RFX3: variants seen among roughly 807,000 people sequenced by gnomAD.
RFX3 encodes transcription factor RFX3.
A neutral mutation model predicts 98.6 loss-of-function variants in RFX3; 14 were observed. That is an observed-to-expected ratio of 0.14 (90% CI 0.09 to 0.22). The LOEUF (loss-of-function observed/expected upper bound fraction) is 0.22, where lower values mean the gene tolerates loss of function less well. Among genes scored for constraint, RFX3 ranks in the 10% least tolerant of loss-of-function variants. The probability of loss-of-function intolerance (pLI) is 1.00; values close to 1 mark genes in which losing one functional copy is unlikely to be tolerated. For missense variants in RFX3, 639 were observed against 926.9 expected, an observed-to-expected ratio of 0.69 and a Z score of 4.03; for synonymous variants, 383 against 328.4, an observed-to-expected ratio of 1.17 and a Z score of -1.80.
rs9408245 is a variant in RFX3 at position 3,406,499 on chromosome 9, T to G, written c.-8-10903A>C. Among the ~76,000 whole-genome samples the G allele has an allele frequency of 3.9e-4, 60 of 152,112 alleles. 1 individual carries two copies. Among genetic ancestry groups the G allele is most frequent in the African/African-American group, 1.1e-3 (46 of 41,520 alleles). ...TACACAGCAATTATCACATCTATAG[T>G]GTAACTGTCTCTCCAACAAGACTAT... On this transcript the variant is annotated intron_variant, in intron 1 of 16. Transcript: ENST00000617270.
At chr9:3,298,538 G>C (rs1429315684) in intron 5 of RFX3, among the ~76,000 whole-genome samples, 1 of 151,702 alleles carries the variant, frequency 6.6e-6, no homozygotes, top group African/African-American at 2.4e-5. Flanking sequence ...TAGGCACTAG[G>C]GATGCACTGG....
chr9:3,377,312 G>A (rs1327055948), intron 2 of RFX3, among the ~76,000 whole-genome samples: 1 of 152,114 alleles, frequency 6.6e-6, no homozygotes, highest in Non-Finnish European at 1.5e-5. Context: ...GATGAAGCTG[G>A]AAACCATCAT....
At chr9:3,400,375 A>T (rs952531109) in intron 1 of RFX3, 3 of 185,772 alleles carry the variant, frequency 1.6e-5, no homozygotes, top group Non-Finnish European at 3.0e-5. Context: ...ACTTTCCATC[A>T]AGCCTCCAGC....
intron 1 of RFX3, among the ~76,000 whole-genome samples, chr9:3,439,953 G>A (rs1053787630): frequency 6.6e-6 from 1 of 151,932 alleles, no homozygotes; most frequent in Non-Finnish European, 1.5e-5. Context: ...GTTTGTTTAG[G>A]GTTTCGGACC....
At chr9:3,424,448 G>A (rs1007393820) in intron 1 of RFX3, among the ~76,000 whole-genome samples, 2 of 124,430 alleles carry the variant, frequency 1.6e-5, no homozygotes, top group Non-Finnish European at 3.2e-5. Context: ...TGCAAGCTCC[G>A]CCTCCCGGGT....
intron 2 of RFX3, among the ~76,000 whole-genome samples, chr9:3,353,129 T>G (rs893409797): frequency 7.1e-6 from 1 of 141,678 alleles, no homozygotes; most frequent in Non-Finnish European, 1.5e-5. Flanking sequence ...TTCTCACTCA[T>G]AGGTGGGAAT....
chr9:3,470,115 G>A (rs1224719432), intron 1 of RFX3, among the ~76,000 whole-genome samples: 2 of 152,096 alleles, frequency 1.3e-5, no homozygotes, highest in African/African-American at 4.8e-5. Flanking sequence ...AGCCAGTCAG[G>A]TTTAAGTATA....
intron 1 of RFX3, among the ~76,000 whole-genome samples, chr9:3,407,085 G>A (rs957113211): frequency 6.6e-6 from 1 of 152,264 alleles, no homozygotes; most frequent in Middle Eastern, 3.4e-3. Flanking sequence ...TTATGAGACA[G>A]AAGCACTCAG....
intron 1 of RFX3, among the ~76,000 whole-genome samples, chr9:3,503,713 C>T (rs549681561): frequency 1.4e-3 from 219 of 152,078 alleles, no homozygotes; most frequent in African/African-American, 5.2e-3. Context: ...TTTACATGTA[C>T]AAAGTTTTAC....
At chr9:3,476,854 C>G (rs998449026) in intron 1 of RFX3, among the ~76,000 whole-genome samples, 6 of 152,048 alleles carry the variant, frequency 3.9e-5, no homozygotes, top group East Asian at 1.9e-4. Flanking sequence ...AAAGCTTGGG[C>G]TTTAGTGTTA....
chr9:3,302,396 A>G (rs996788548), intron 4 of RFX3, among the ~76,000 whole-genome samples: 1 of 151,796 alleles, frequency 6.6e-6, no homozygotes, highest in Non-Finnish European at 1.5e-5. Context: ...GATAAATGTG[A>G]TACACTCTTA....
intron 1 of RFX3, among the ~76,000 whole-genome samples, chr9:3,416,410 C>T (rs1842984243): frequency 6.6e-6 from 1 of 152,094 alleles, no homozygotes; most frequent in African/African-American, 2.4e-5. Flanking sequence ...TATGTTGGGC[C>T]TGTTTCTGCC....
intron 9 of RFX3, 152 bp downstream of exon 9, chr9:3,275,348 G>A (rs1286528251): frequency 2.1e-6 from 1 of 471,800 alleles, no homozygotes; most frequent in African/African-American, 2.0e-5. Context: ...AGACCAGAAA[G>A]AAGAAAAATG....
intron 1 of RFX3, among the ~76,000 whole-genome samples, chr9:3,432,562 C>T (rs1844747624): frequency 6.6e-6 from 1 of 151,986 alleles, no homozygotes; most frequent in African/African-American, 2.4e-5. Flanking sequence ...GCAAGGAAGT[C>T]ATGAAAGAGC....
intron 2 of RFX3, among the ~76,000 whole-genome samples, chr9:3,391,338 A>G (rs1158788001): frequency 6.6e-6 from 1 of 152,146 alleles, no homozygotes; most frequent in South Asian, 2.1e-4. Context: ...AAAAAAAAAG[A>G]AAAATAACGA....
chr9:3,401,120 G>A (rs1841435987), intron 1 of RFX3, among the ~76,000 whole-genome samples: 1 of 152,148 alleles, frequency 6.6e-6, no homozygotes, highest in South Asian at 2.1e-4. Context: ...CCAAAGTTAG[G>A]AAGTATTTCT....
intron 1 of RFX3, among the ~76,000 whole-genome samples, chr9:3,422,235 C>G (rs1843509890): frequency 6.6e-6 from 1 of 152,184 alleles, no homozygotes; most frequent in Non-Finnish European, 1.5e-5. Flanking sequence ...GAAAACTAGT[C>G]TTGTTTCAGC....
intron 1 of RFX3, among the ~76,000 whole-genome samples, chr9:3,441,510 G>T (rs1845609389): frequency 6.6e-6 from 1 of 151,900 alleles, no homozygotes; most frequent in Non-Finnish European, 1.5e-5. Context: ...CTGGCGCTGG[G>T]GCATAGAAAA....
chr9:3,349,303 C>T (rs180761274), intron 2 of RFX3, among the ~76,000 whole-genome samples: 2 of 151,916 alleles, frequency 1.3e-5, no homozygotes, highest in East Asian at 3.9e-4. Context: ...AATATTGTTT[C>T]CTTCAATTTT....
Sources: gnomAD v4.1 joint callset for allele counts (sites outside exome capture counted in the v4.1 genomes callset) on GRCh38, gnomAD v4.1.1 for gene constraint, MANE v1.5 for transcripts, NCBI Gene and HGNC (gene_info 2026-07-23, HGNC 2026-07-21) for gene names.